CROCC2: variants seen among roughly 807,000 people sequenced by gnomAD.
CROCC2 encodes the protein ciliary rootlet coiled-coil, rootletin family member 2, also known as ciliary rootlet coiled-coil protein 2.
CROCC2 carries 163 observed loss-of-function variants against 177.6 expected under a neutral mutation model. That is an observed-to-expected ratio of 0.92 (90% confidence interval 0.81 to 1.05). The LOEUF is 1.05. Ranked by LOEUF, CROCC2 falls within the 50% of genes least tolerant of loss-of-function variation. The pLI is 0.00. For synonymous variants in CROCC2, 904 were observed against 787.3 expected (o/e 1.15, Z -2.48); for missense variants, 1,929 against 1,797.8 (o/e 1.07, Z -1.32).
At chr2:240,954,848 G>A (rs1186603537) in intron 18 of CROCC2, 1 of 152,118 alleles carries the variant, frequency 6.6e-6, no homozygotes, top group Non-Finnish European at 1.5e-5. Flanking sequence ...GTGGTCCCAG[G>A]GGCCCGCCAG....
intron 14 of CROCC2, among the ~76,000 whole-genome samples, chr2:240,936,173 T>C (rs1005879280): frequency 1.3e-5 from 2 of 152,198 alleles, no homozygotes; most frequent in African/African-American, 4.8e-5. Context: ...GCCTTGTCCT[T>C]TTCTGGGGTC....
chr2:240,907,645 G>A (rs1394508023), intron 1 of CROCC2, among the ~76,000 whole-genome samples: 1 of 152,188 alleles, frequency 6.6e-6, no homozygotes, highest in East Asian at 1.9e-4. Context: ...TGAGGACTAA[G>A]GGCAGGATAT....
chr2:240,932,359 A>G lies in CROCC2; in HGVS notation c.989A>G (p.Gln330Arg), dbSNP rs1208793851. 1.4e-6 allele frequency: 1 copy of G among 717,460 alleles called. No homozygotes were observed. The highest frequency in any genetic ancestry group is 2.0e-5 in the Admixed American group (1 of 50,014). 44.4% of individuals were successfully genotyped at this position (717,460 alleles called of 1,614,324 possible). Residue 330 changes from glutamine to arginine, a missense_variant, in exon 8 of 32, where the codon CAG (glutamine) becomes CGG (arginine). Physicochemically the swap from Gln to Arg is conservative, Grantham distance 43. Transcript: ENST00000690015. ...QTLLVEKLTE[Q>R]NEQKAKTIAA... Reference sequence around the variant, plus strand: ...CTGCTGGTGGAGAAGCTTACAGAGCAGAATGAGCAGAAGGCGAAGACCATC... The same window carrying G: ...CTGCTGGTGGAGAAGCTTACAGAGCGGAATGAGCAGAAGGCGAAGACCATC...
chr2:240,922,814 C>A (rs777976503), intron 4 of CROCC2, among the ~76,000 whole-genome samples, 169 bp downstream of exon 4: 8 of 152,158 alleles, frequency 5.3e-5, no homozygotes, highest in Non-Finnish European at 1.0e-4. Context: ...CAGGGCAGGG[C>A]AGGGGGCTGG....
Position 240,981,169 on chromosome 2 carries a change from G to T in CROCC2, c.4402-1711G>T, listed in dbSNP as rs35668040. On this transcript the variant is annotated intron_variant, in intron 27 of 31. Coordinates refer to ENST00000690015, the MANE Select transcript of CROCC2 (RefSeq NM_001351305.2). The stretch of plus-strand genomic sequence containing the variant: ...AGTCTCTGGGGTAGGAGCCTCTGGA[G>T]CCCAGGCTCATCCCTGCTCAGTCTC... Among the ~76,000 whole-genome samples the T allele has an allele frequency of 2.2e-4, 30 of 136,986 alleles. No homozygotes were observed. In the South Asian group the frequency reaches 2.7e-3, roughly 12 times the overall value. The allele number at this position is 136,986 out of a possible 152,430, so 89.9% of individuals were successfully genotyped here. A position where few individuals can be genotyped will look rare whatever the true frequency, so the allele number is the denominator to read the frequency against.
chr2:240,970,075 A>T (rs2106482661), intron 27 of CROCC2, among the ~76,000 whole-genome samples: 1 of 152,346 alleles, frequency 6.6e-6, no homozygotes, highest in South Asian at 2.1e-4. Flanking sequence ...CATTATTCAA[A>T]TAGGCCACAT....
Position 240,934,463 on chromosome 2 carries a change from C to T in CROCC2, c.1779C>T (p.Ser593=), listed in dbSNP as rs772916771. Residue 593 remains serine, a synonymous_variant, in exon 12 of 32, where the codon AGC becomes AGT. Coordinates refer to ENST00000690015, the MANE Select transcript of CROCC2 (RefSeq NM_001351305.2). ...VVESEREGLR[S]ALARAECSNA... is the part of the protein sequence containing the mutation. The stretch of plus-strand genomic sequence containing the variant: ...AGAGTGAGAGGGAGGGACTGCGCAG[C>T]GCCCTGGCGCGGGTACACTCTGCTC... 8.4e-6 allele frequency: 13 copies of T among 1,547,868 alleles called. No homozygotes were observed. The South Asian group carries it at 1.1e-4, about 13-fold the overall frequency.
In CROCC2 at chr2:240,946,124, A is replaced by T. The variant is rs1045412642; in HGVS notation, c.2234A>T (p.Gln745Leu). Residue 745 changes from glutamine (Q) to leucine (L), a missense_variant, in exon 15 of 32, where the codon CAG (glutamine) becomes CTG (leucine). Gln to Leu is a moderately radical substitution (Grantham distance 113). Transcript: ENST00000690015. ...CAGAGCCTGCAGGACCAGGAGGCCC[A>T]GATGGGCACTCTGCAGCAAGCCCTG... ...LAQSLQDQEA[Q>L]MGTLQQALQG... The T allele has an allele frequency of 1.3e-6, 2 of 1,544,724 alleles. No homozygotes were observed. Among genetic ancestry groups the T allele is most frequent in the Non-Finnish European group, 1.8e-6 (2 of 1,142,182 alleles).
In CROCC2 at chr2:240,920,243, A is replaced by G. The variant is rs2059350161; in HGVS notation, c.381+109A>G. 3 of 581,694 alleles carry G rather than the reference A, an allele frequency of 5.2e-6. No individual in the cohort carries two copies. The South Asian group carries it at 6.1e-5, about 12-fold the overall frequency. The allele number at this position is 581,694 out of a possible 1,614,324, so 36.0% of individuals were successfully genotyped here. ...GAGCCTGGGACCATCGGCAATTTCT[A>G]AGACTCGGAAAGACAGAGTGTCAGC... On this transcript the variant is annotated intron_variant, in intron 3 of 31. Coordinates refer to ENST00000690015, the MANE Select transcript of CROCC2 (RefSeq NM_001351305.2).
At position 240,933,279 on chromosome 2, in the gene CROCC2, G is replaced by A. The variant is rs773347584; in HGVS notation, c.1400G>A (p.Gly467Asp). 3.2e-6 allele frequency: 5 copies of A among 1,546,544 alleles called. No homozygotes were observed. The South Asian group carries it at 4.8e-5, about 15-fold the overall frequency. The stretch of plus-strand genomic sequence containing the variant: ...GCACGGGAACGAGAGGCTCTTCGGG[G>A]CCAGCTGGAGGCCCAGAGGCTCGAG... The part of the protein sequence containing the change: ...EQAREREALR[G>D]QLEAQRLEVQ... Residue 467 changes from glycine (G) to aspartate (D), a missense_variant, in exon 10 of 32, where the codon GGC (glycine) becomes GAC (aspartate). Physicochemically the swap from Gly to Asp is moderately conservative, Grantham distance 94. Coordinates refer to ENST00000690015, the MANE Select transcript of CROCC2 (RefSeq NM_001351305.2).
intron 27 of CROCC2, among the ~76,000 whole-genome samples, chr2:240,976,232 C>G (rs1176285555): frequency 5.7e-5 from 7 of 122,708 alleles, no homozygotes; most frequent in African/African-American, 2.2e-4. Flanking sequence ...CAGGCTCATC[C>G]CTGCTCAGTC....
At chr2:240,963,497 T>A (rs2059656542) in intron 20 of CROCC2, 59 bp from the exon 21 acceptor site, 6 of 1,445,468 alleles carry the variant, frequency 4.2e-6, no homozygotes, top group Non-Finnish European at 5.5e-6. Context: ...CAGGCCCCTG[T>A]GGCTATCCCT....
At chr2:240,964,210 G>T (rs573871955) in intron 21 of CROCC2, 3 of 575,732 alleles carry the variant, frequency 5.2e-6, no homozygotes, top group South Asian at 2.0e-5. Context: ...GTGACAGAGA[G>T]GGGGAGACAG....
chr2:240,919,892 CAG>C, intron 2 of CROCC2, 89 bp from the exon 3 acceptor site: 57 of 582,196 alleles, frequency 9.8e-5, no homozygotes, highest in Middle Eastern at 4.1e-4. Context: ...GCCTGGTGGC[CAG>C]CCCAGGGTCC....
chr2:240,983,482 G>C, intron 28 of CROCC2: 5 of 1,242,080 alleles, frequency 4.0e-6, no homozygotes, highest in Non-Finnish European at 5.1e-6. Context: ...AGGCGCAGGC[G>C]GAGAGGCGCG....
chr2:240,983,004 A>G lies in CROCC2; in HGVS notation c.4526A>G (p.Glu1509Gly). The G allele has an allele frequency of 6.4e-7, 1 of 1,550,398 alleles. No homozygotes were observed. The highest frequency in any genetic ancestry group is 1.4e-5 in the African/African-American group (1 of 73,156). The stretch of plus-strand genomic sequence containing the variant: ...TTGGAGCACAGGTGCCAGAAGGCTG[A>G]GGTATCGCTGGAGCCCCTGCGACAG... ...TNLEHRCQKAEVSLEPLRQME... is the reference protein window; with the variant it reads ...TNLEHRCQKAGVSLEPLRQME... The change falls in exon 28 of 32, where the codon GAG becomes GGG. Residue 1509 changes from glutamate (E) to glycine (G), a missense_variant. By Grantham distance (98) the Glu-to-Gly change is moderately conservative (BLOSUM62 -2). Transcript: ENST00000690015.
At chr2:240,963,056 CG>C (rs2059653896) in intron 20 of CROCC2, among the ~76,000 whole-genome samples, 1 of 152,148 alleles carries the variant, frequency 6.6e-6, no homozygotes, top group Admixed American at 6.5e-5. Flanking sequence ...GTCACTGTGC[CG>C]GGGTCACTGG....
intron 1 of CROCC2, among the ~76,000 whole-genome samples, chr2:240,909,787 T>C (rs1257415831): frequency 1.3e-5 from 2 of 152,306 alleles, no homozygotes; most frequent in African/African-American, 2.4e-5. Flanking sequence ...GAGATCTTGA[T>C]GCCATTACCC....
chr2:240,986,534 C>T (rs909808141), intron 28 of CROCC2, among the ~76,000 whole-genome samples: 2 of 152,210 alleles, frequency 1.3e-5, no homozygotes, highest in African/African-American at 4.8e-5. Flanking sequence ...CCGGTGTTGC[C>T]GGCTCCACGA....
Sources: gnomAD v4.1 joint callset for allele counts (sites outside exome capture counted in the v4.1 genomes callset) on GRCh38, gnomAD v4.1.1 for gene constraint, MANE v1.5 for transcripts, NCBI Gene and HGNC (gene_info 2026-07-23, HGNC 2026-07-21) for gene names.